The following CFAP54 variants were observed in gnomAD, a reference collection of about 807,000 sequenced individuals.
CFAP54 encodes the protein cilia- and flagella-associated protein 54.
CFAP54 carries 290 observed loss-of-function variants against 370.4 expected under a neutral mutation model. The ratio of observed to expected loss-of-function variants is 0.78; its 90% CI spans 0.71 to 0.86. The LOEUF (loss-of-function observed/expected upper bound fraction) is 0.86. Among genes scored for constraint, CFAP54 ranks in the 40% least tolerant of loss-of-function variants. The pLI is 0.00. For missense variants in CFAP54, 3,399 were observed against 3,528.7 expected, an observed-to-expected ratio of 0.96 and a Z score of 0.93; for synonymous variants, 1,206 against 1,236.5, an observed-to-expected ratio of 0.98 and a Z score of 0.52.
At chr12:96,565,216 A>T (rs1489079047) in intron 19 of CFAP54, 1 of 152,446 alleles carries the variant, frequency 6.6e-6, no homozygotes, top group Non-Finnish European at 1.5e-5. Flanking sequence ...CCTTCTTGCT[A>T]ATTCATTATA....
chr12:96,649,730 A>T (rs1416600121), intron 34 of CFAP54, among the ~76,000 whole-genome samples, 161 bp from the exon 35 acceptor site: 1 of 152,190 alleles, frequency 6.6e-6, no homozygotes, highest in Non-Finnish European at 1.5e-5. Context: ...CTTCTCTAGA[A>T]ACTTTCCCTG....
At chr12:96,819,571 C>T (rs554131770) in intron 65 of CFAP54, among the ~76,000 whole-genome samples, 1 of 152,184 alleles carries the variant, frequency 6.6e-6, no homozygotes, top group East Asian at 1.9e-4. Flanking sequence ...CTTCTTTTCC[C>T]TTCTCTTCTA....
chr12:96,710,289 G>A (rs1417314268), intron 48 of CFAP54, among the ~76,000 whole-genome samples: 1 of 152,214 alleles, frequency 6.6e-6, no homozygotes, highest in Non-Finnish European at 1.5e-5. Context: ...GAACACAGGA[G>A]AGCTTGGCTG....
rs532505507 is a variant in CFAP54 at position 96,768,775 on chromosome 12, C to T, written c.8281+3557C>T. Among the ~76,000 whole-genome samples, 7 of 152,290 alleles carry T rather than the reference C, an allele frequency of 4.6e-5. No homozygotes were observed. In the South Asian group the frequency reaches 1.4e-3, roughly 32 times the overall value. The stretch of plus-strand genomic sequence containing the variant: ...GTGCCACAAGCTAAATCCATCTATG[C>T]CTTCTGAGGGGAGCTGGACACAGGC... On this transcript the variant is annotated intron_variant, in intron 60 of 67. Transcript: ENST00000524981.
chr12:96,582,892 T>G lies in CFAP54; in HGVS notation c.3075+1787T>G, dbSNP rs530930235. ...TTCTCACTTATTAAACCTCCTTAAT[T>G]TATAACTTAAGTTTAAGCTTTTAAG... On this transcript the variant is annotated intron_variant, in intron 22 of 67. Coordinates refer to ENST00000524981, the MANE Select transcript of CFAP54 (RefSeq NM_001306084.2). 1.3e-3 allele frequency among the ~76,000 whole-genome samples: 199 copies of G among 152,328 alleles called. 4 individuals are homozygous for G. In the South Asian group the frequency reaches 0.04, roughly 31 times the overall value.
intron 17 of CFAP54, among the ~76,000 whole-genome samples, chr12:96,558,906 C>T (rs1208611761): frequency 6.6e-6 from 1 of 151,988 alleles, no homozygotes; most frequent in Non-Finnish European, 1.5e-5. Context: ...AAGCTTCTGC[C>T]CAGCAAAGGA....
intron 1 of CFAP54, among the ~76,000 whole-genome samples, chr12:96,495,274 TTCCTTCCTTCCTTCCTTCTTTCC>T (rs1351792414): frequency 4.7e-5 from 7 of 148,086 alleles, no homozygotes; most frequent in African/African-American, 1.0e-4. Context: ...CCTTCCTTCC[TTCCTTCCTTCCTTCCTTCTTTCC>T]TTCCTTCCTT....
At chr12:96,678,578 A>G (rs1957237325) in intron 39 of CFAP54, among the ~76,000 whole-genome samples, 1 of 152,090 alleles carries the variant, frequency 6.6e-6, no homozygotes. Flanking sequence ...TATTCTAACT[A>G]TCTAGAGCCA....
intron 65 of CFAP54, among the ~76,000 whole-genome samples, chr12:96,826,054 A>G (rs964963030): frequency 6.9e-6 from 1 of 145,140 alleles, no homozygotes; most frequent in African/African-American, 2.5e-5. Flanking sequence ...TATATTTTAT[A>G]TATACACACA....
At chr12:96,805,658 A>G (rs1041027019) in intron 63 of CFAP54, among the ~76,000 whole-genome samples, 34 of 152,244 alleles carry the variant, frequency 2.2e-4, no homozygotes, top group African/African-American at 6.5e-4. Flanking sequence ...AAATTAGTAC[A>G]ATCTTTATGG....
intron 38 of CFAP54, among the ~76,000 whole-genome samples, chr12:96,659,013 C>T (rs191421472): frequency 1.1e-3 from 168 of 152,062 alleles, no homozygotes; most frequent in African/African-American, 3.9e-3. Flanking sequence ...GCAGTGGACA[C>T]CAGCTGAGTG....
At chr12:96,559,533 A>G (rs1232091682) in intron 17 of CFAP54, among the ~76,000 whole-genome samples, 2 of 152,058 alleles carry the variant, frequency 1.3e-5, no homozygotes, top group African/African-American at 4.8e-5. Flanking sequence ...AAATCCACCA[A>G]TCATGACCAT....
intron 46 of CFAP54, among the ~76,000 whole-genome samples, chr12:96,704,160 G>C (rs1340461221): frequency 6.6e-6 from 1 of 151,988 alleles, no homozygotes; most frequent in Non-Finnish European, 1.5e-5. Context: ...AGGTGCAGTG[G>C]CTCACGCCTA....
chr12:96,554,850 G>C lies in CFAP54; in HGVS notation c.2410+48G>C, dbSNP rs976280348. 4.0e-6 allele frequency: 6 copies of C among 1,495,256 alleles called. No individual in the cohort carries two copies. The African/African-American group carries it at 8.3e-5, about 21-fold the overall frequency. 92.6% of individuals were successfully genotyped at this position (1,495,256 alleles called of 1,614,324 possible). On this transcript the variant is annotated intron_variant, in intron 17 of 67. Transcript: ENST00000524981. ...ACCATTCTGAATCAATTTTAAGCCA[G>C]ACTCCAGTACAGAATCAATTTAATT...
chr12:96,707,262 A>AG (rs1352189331), intron 47 of CFAP54, among the ~76,000 whole-genome samples: 1 of 129,066 alleles, frequency 7.7e-6, no homozygotes, highest in African/African-American at 2.8e-5. Flanking sequence ...CTTTAACTTG[A>AG]ATTTTTTTTT....
At chr12:96,653,087 C>T (rs1410635468) in intron 36 of CFAP54, among the ~76,000 whole-genome samples, 1 of 152,240 alleles carries the variant, frequency 6.6e-6, no homozygotes, top group Non-Finnish European at 1.5e-5. Flanking sequence ...GGCATGGCAG[C>T]TCTGTGCCAG....
At chr12:96,861,243 C>T (rs1959872148) in intron 67 of CFAP54, among the ~76,000 whole-genome samples, 1 of 152,154 alleles carries the variant, frequency 6.6e-6, no homozygotes, top group Non-Finnish European at 1.5e-5. Flanking sequence ...GTCCATAAAG[C>T]AAGATTGGAT....
chr12:96,634,406 A>G (rs1454426288), intron 32 of CFAP54, among the ~76,000 whole-genome samples: 1 of 151,940 alleles, frequency 6.6e-6, no homozygotes, highest in African/African-American at 2.4e-5. Flanking sequence ...TTAGTGAAAT[A>G]TCTGTTTATG....
chr12:96,845,917 G>A (rs979760801), intron 66 of CFAP54, among the ~76,000 whole-genome samples: 11 of 152,112 alleles, frequency 7.2e-5, no homozygotes, highest in Admixed American at 2.0e-4. Context: ...AAACATACAC[G>A]TGTCACCCAC....
Sources: allele counts gnomAD v4.1 joint callset (sites outside exome capture counted in the v4.1 genomes callset), GRCh38; gene constraint gnomAD v4.1.1; transcripts MANE v1.5; gene names NCBI Gene and HGNC (gene_info 2026-07-23, HGNC 2026-07-21).